Variants in TANGO2 observed in about 807,000 individuals in gnomAD.
TANGO2 encodes transport and golgi organization 2 homolog, also known as transport and Golgi organization protein 2 homolog.
Under a neutral mutation model 39.1 loss-of-function variants are expected in TANGO2, and 26 were observed. The ratio of observed to expected loss-of-function variants is 0.67; its 90% CI spans 0.49 to 0.92. TANGO2 has a LOEUF of 0.92. Among genes scored for constraint, TANGO2 ranks in the 40% least tolerant of loss-of-function variants. TANGO2 has a pLI of 0.00. For synonymous variants in TANGO2, 131 were observed against 144.5 expected (o/e 0.91, Z 0.67); for missense variants, 326 against 360.1 (o/e 0.91, Z 0.77).
At position 20,064,863 on chromosome 22, in the gene TANGO2, G is replaced by A; in HGVS notation, c.*201G>A. ...GGGTCTGCCTTTATGCCAGTGAGGA[G>A]CAGCAGAGTCTGATACTAGGTCTAG... On this transcript the variant is annotated 3_prime_UTR_variant, in exon 9 of 9. Coordinates refer to ENST00000327374, the MANE Select transcript of TANGO2 (RefSeq NM_152906.7). The A allele has an allele frequency of 1.5e-6, 1 of 648,784 alleles. No individual in the cohort carries two copies. Among genetic ancestry groups the A allele is most frequent in the Non-Finnish European group, 2.6e-6 (1 of 389,158 alleles). 40.2% of individuals were successfully genotyped at this position (648,784 alleles called of 1,614,324 possible). A position where few individuals can be genotyped will look rare whatever the true frequency, so the allele number is the denominator to read the frequency against.
intron 3 of TANGO2, among the ~76,000 whole-genome samples, chr22:20,050,724 A>G (rs1262750439): frequency 1.3e-5 from 2 of 151,298 alleles, no homozygotes; most frequent in African/African-American, 4.9e-5. Flanking sequence ...GTATATTTAA[A>G]TGCTCACTTT....
At chr22:20,052,650 G>A (rs74636224) in intron 4 of TANGO2, 66 bp downstream of exon 4, 2 of 1,528,382 alleles carry the variant, frequency 1.3e-6, no homozygotes, top group Non-Finnish European at 1.8e-6. Context: ...GTGAGACAAG[G>A]TGGGGCCAAG....
intron 7 of TANGO2, 23 bp downstream of exon 7, chr22:20,061,706 G>A: frequency 6.5e-7 from 1 of 1,530,172 alleles, no homozygotes. Flanking sequence ...GTCCTGCTGG[G>A]GTGAGCCCCA....
At chr22:20,032,841 C>T (rs1471829516) in intron 1 of TANGO2, among the ~76,000 whole-genome samples, 1 of 152,192 alleles carries the variant, frequency 6.6e-6, no homozygotes, top group African/African-American at 2.4e-5. Flanking sequence ...CACCCGTGTG[C>T]CCACATGCCC....
intron 1 of TANGO2, among the ~76,000 whole-genome samples, chr22:20,026,040 C>T (rs1168282932): frequency 4.6e-5 from 7 of 152,212 alleles, no homozygotes; most frequent in South Asian, 2.1e-4. Context: ...ATTGGCTGTG[C>T]GTTTGGGAAG....
In TANGO2 at chr22:20,064,731, C is replaced by T. The variant is rs1197684734; in HGVS notation, c.*69C>T. The T allele has an allele frequency of 2.5e-6, 4 of 1,585,370 alleles. No homozygotes were observed. The African/African-American group carries it at 5.4e-5, about 21-fold the overall frequency. On this transcript the variant is annotated 3_prime_UTR_variant, in exon 9 of 9. Coordinates refer to ENST00000327374, the MANE Select transcript of TANGO2 (RefSeq NM_152906.7). ...CTTGAGGGGCACTGTGGACAGGAAA[C>T]CTTCCTTTGCCATACTGCATTGCAC...
At position 20,055,734 on chromosome 22, in the gene TANGO2, C is replaced by T. The variant is rs911342353; in HGVS notation, c.381-209C>T. On this transcript the variant is annotated intron_variant, in intron 5 of 8. Coordinates refer to ENST00000327374, the MANE Select transcript of TANGO2 (RefSeq NM_152906.7). The stretch of plus-strand genomic sequence containing the variant: ...GGTGGGCCCCGAGGTGAGCTGGGAA[C>T]ATACCCGTGATGCTGGACAAGAGCT... 9.8e-6 allele frequency: 6 copies of T among 609,654 alleles called. No homozygotes were observed. The Admixed American group carries it at 1.4e-4, about 14-fold the overall frequency. The allele number at this position is 609,654 out of a possible 1,614,324, so 37.8% of individuals were successfully genotyped here. A position where few individuals can be genotyped will look rare whatever the true frequency, so the allele number is the denominator to read the frequency against.
Position 20,061,572 on chromosome 22 carries a change from G to A in TANGO2, c.494G>A (p.Arg165Lys). ...LSNALLETPW[R>K]KLCFGKQLFL... ...AACGCGCTGCTGGAGACTCCCTGGA[G>A]GAAGCTGTGCTTTGGGAAGCAGCTC... is the stretch of plus-strand genomic sequence containing the variant. Residue 165 changes from arginine to lysine, a missense_variant, in exon 7 of 9, where the codon AGG becomes AAG. Arg to Lys is a conservative substitution (Grantham distance 26). Transcript: ENST00000327374. 1 of 1,605,294 alleles carries A rather than the reference G, an allele frequency of 6.2e-7. No individual in the cohort carries two copies. Among genetic ancestry groups the A allele is most frequent in the Non-Finnish European group, 8.5e-7 (1 of 1,176,376 alleles).
At chr22:20,037,243 C>T (rs528950845) in intron 2 of TANGO2, 76 of 940,020 alleles carry the variant, frequency 8.1e-5, no homozygotes, top group African/African-American at 2.0e-4. Flanking sequence ...GTCAAAGTGG[C>T]GGCCAGGCTA....
chr22:20,058,671 C>T (rs1462896165), intron 6 of TANGO2, among the ~76,000 whole-genome samples: 2 of 151,716 alleles, frequency 1.3e-5, no homozygotes, highest in African/African-American at 2.4e-5. Flanking sequence ...AAAAACTCAC[C>T]AGCATGGCTA....
chr22:20,052,363 T>G, intron 3 of TANGO2, 102 bp from the exon 4 acceptor site: 2 of 1,495,836 alleles, frequency 1.3e-6, no homozygotes, highest in East Asian at 5.0e-5. Flanking sequence ...TCGAGGAGCT[T>G]GAGGCAGGAG....
intron 7 of TANGO2, 67 bp downstream of exon 7, chr22:20,061,750 C>T: frequency 1.4e-6 from 2 of 1,469,296 alleles, no homozygotes; most frequent in Non-Finnish European, 1.8e-6. Flanking sequence ...GAAAGGCAGG[C>T]CCTGCTGCCC....
chr22:20,023,517 G>T (rs760637818), intron 1 of TANGO2, among the ~76,000 whole-genome samples: 11 of 152,148 alleles, frequency 7.2e-5, no homozygotes, highest in Non-Finnish European at 1.3e-4. Flanking sequence ...GAAATGCCCC[G>T]GAAGCATTGT....
intron 3 of TANGO2, among the ~76,000 whole-genome samples, chr22:20,047,258 A>C (rs1179599769): frequency 7.2e-6 from 1 of 139,778 alleles, no homozygotes; most frequent in African/African-American, 2.7e-5. Context: ...TTTGAGACAG[A>C]GTTTCACTCT....
chr22:20,032,269 G>A (rs769986778), intron 1 of TANGO2, among the ~76,000 whole-genome samples: 5 of 152,272 alleles, frequency 3.3e-5, no homozygotes, highest in Non-Finnish European at 5.9e-5. Flanking sequence ...AGCATTTTCC[G>A]CCTGGAGAGG....
intron 1 of TANGO2, among the ~76,000 whole-genome samples, chr22:20,030,614 G>T (rs556801657): frequency 1.3e-5 from 2 of 151,840 alleles, no homozygotes; most frequent in South Asian, 2.1e-4. Context: ...CAAAGTGCTG[G>T]AATTACAGGC....
chr22:20,064,759 C>A lies in TANGO2; in HGVS notation c.*97C>A. On this transcript the variant is annotated 3_prime_UTR_variant, in exon 9 of 9. Transcript: ENST00000327374. Reference sequence around the variant, plus strand: ...TCCTTTGCCATACTGCATTGCACTGCCCGTGGCTTGGCCAGCATCCCCCGG... The same window carrying A: ...TCCTTTGCCATACTGCATTGCACTGACCGTGGCTTGGCCAGCATCCCCCGG... The A allele has an allele frequency of 6.7e-7, 1 of 1,487,786 alleles. No individual in the cohort carries two copies. Among genetic ancestry groups the A allele is most frequent in the Non-Finnish European group, 9.1e-7 (1 of 1,102,448 alleles). The allele number at this position is 1,487,786 out of a possible 1,614,324, so 92.2% of individuals were successfully genotyped here. A position where few individuals can be genotyped will look rare whatever the true frequency, so the allele number is the denominator to read the frequency against.
upstream of TANGO2, among the ~76,000 whole-genome samples, chr22:20,020,914 A>G (rs990211860): frequency 6.6e-6 from 1 of 152,102 alleles, no homozygotes; most frequent in Non-Finnish European, 1.5e-5. Context: ...ACGCCCGCGC[A>G]GCCCGAAGCT....
At chr22:20,053,861 G>C (rs534958068) in intron 5 of TANGO2, 1 of 429,346 alleles carries the variant, frequency 2.3e-6, no homozygotes, top group Admixed American at 2.6e-5. Flanking sequence ...GGCAGGCTGT[G>C]CAGAGCAGCC....
Sources: allele counts gnomAD v4.1 joint callset (sites outside exome capture counted in the v4.1 genomes callset), GRCh38; gene constraint gnomAD v4.1.1; transcripts MANE v1.5; gene names NCBI Gene and HGNC (gene_info 2026-07-23, HGNC 2026-07-21).